Variants in VRK1 observed in about 807,000 individuals in gnomAD.
VRK1 encodes VRK serine/threonine kinase 1.
VRK1 carries 33 observed loss-of-function variants against 57.1 expected under a neutral mutation model. The ratio of observed to expected loss-of-function variants is 0.58; its 90% CI spans 0.44 to 0.77. The LOEUF (loss-of-function observed/expected upper bound fraction) is 0.77. VRK1 is among the 30% of genes least tolerant of loss of function. VRK1 has a pLI of 0.00. For missense variants in VRK1, 413 were observed against 477.3 expected (o/e 0.87, Z 1.25); for synonymous variants, 137 against 147.8 (o/e 0.93, Z 0.53).
At chr14:96,856,718 C>G (rs899614739) in intron 10 of VRK1, 132 bp downstream of exon 10, 1 of 780,198 alleles carries the variant, frequency 1.3e-6, no homozygotes. Flanking sequence ...CCTGTAATCC[C>G]AGCACTTTGG....
chr14:96,810,544 T>C (rs1886148169), intron 1 of VRK1, among the ~76,000 whole-genome samples: 1 of 152,198 alleles, frequency 6.6e-6, no homozygotes, highest in African/African-American at 2.4e-5. Flanking sequence ...TCTATACAAG[T>C]AGTAACAGGT....
intron 2 of VRK1, 86 bp from the exon 3 acceptor site, chr14:96,837,676 C>G (rs1887274144): frequency 2.6e-6 from 2 of 769,428 alleles, no homozygotes; most frequent in Non-Finnish European, 3.8e-6. Context: ...TGTATTCTAT[C>G]AAGGGTTACA....
intron 7 of VRK1, among the ~76,000 whole-genome samples, chr14:96,854,825 C>T (rs1190953900): frequency 6.6e-6 from 1 of 152,100 alleles, no homozygotes; most frequent in African/African-American, 2.4e-5. Context: ...GTGTGCTTTT[C>T]TGTGTGGAAA....
chr14:96,856,042 T>A, intron 8 of VRK1, 88 bp from the exon 9 acceptor site: 2 of 1,468,782 alleles, frequency 1.4e-6, no homozygotes, highest in Non-Finnish European at 1.9e-6. Context: ...TGGAGTTGAC[T>A]TGTTTTATGT....
At chr14:96,816,916 T>G (rs1008878354) in intron 1 of VRK1, among the ~76,000 whole-genome samples, 7 of 152,234 alleles carry the variant, frequency 4.6e-5, no homozygotes, top group Non-Finnish European at 1.0e-4. Context: ...GAACCCTTCT[T>G]ATTAGATGAC....
At chr14:96,846,785 A>G (rs1005724549) in intron 4 of VRK1, among the ~76,000 whole-genome samples, 1 of 152,068 alleles carries the variant, frequency 6.6e-6, no homozygotes, top group Non-Finnish European at 1.5e-5. Flanking sequence ...AAACTAGTAC[A>G]GTATAACTAT....
chr14:96,838,481 AC>A (rs1566699599), intron 3 of VRK1, among the ~76,000 whole-genome samples: 1 of 152,214 alleles, frequency 6.6e-6, no homozygotes, highest in South Asian at 2.1e-4. Context: ...ATTACTTGAT[AC>A]ATGTGAAGAA....
intron 2 of VRK1, 99 bp downstream of exon 2, chr14:96,833,730 A>T: frequency 6.4e-7 from 1 of 1,553,394 alleles, no homozygotes; most frequent in African/African-American, 1.4e-5. Flanking sequence ...TGTTCCTAAT[A>T]ATCTGCAGTC....
chr14:96,838,770 C>A (rs7153135), intron 3 of VRK1, among the ~76,000 whole-genome samples: 2 of 152,200 alleles, frequency 1.3e-5, no homozygotes, highest in African/African-American at 2.4e-5. Context: ...TCAGGAATTA[C>A]AATTACTCTG....
rs1422557519 is a variant in VRK1, at chr14:96,879,282, T to C, written c.1160-1895T>C. ...AATCAGAATTGATTATTAGGGAAAA[T>C]ATTGAATTGATTTATGCAGCAAAGT... On this transcript the variant is annotated intron_variant, in intron 12 of 12. Transcript: ENST00000216639. Among the ~76,000 whole-genome samples the C allele has an allele frequency of 2.0e-5, 3 of 152,012 alleles. 1 individual carries two copies. The highest frequency in any genetic ancestry group is 4.4e-5 in the Non-Finnish European group (3 of 68,008).
At chr14:96,824,396 A>G (rs532146874) in intron 1 of VRK1, among the ~76,000 whole-genome samples, 1 of 152,240 alleles carries the variant, frequency 6.6e-6, no homozygotes, top group Non-Finnish European at 1.5e-5. Context: ...TTCAAGAAAG[A>G]AAGAATGAGC....
chr14:96,824,155 T>C (rs1261539757), intron 1 of VRK1, among the ~76,000 whole-genome samples: 1 of 152,216 alleles, frequency 6.6e-6, no homozygotes, highest in Non-Finnish European at 1.5e-5. Flanking sequence ...CATAATAAAA[T>C]TTGTATTTTG....
At chr14:96,813,590 C>G (rs140677168) in intron 1 of VRK1, among the ~76,000 whole-genome samples, 1 of 151,908 alleles carries the variant, frequency 6.6e-6, no homozygotes, top group Non-Finnish European at 1.5e-5. Flanking sequence ...TTCATTACTA[C>G]GTTTGTCCTT....
chr14:96,858,151 C>G (rs1316900947), intron 10 of VRK1, among the ~76,000 whole-genome samples: 1 of 152,058 alleles, frequency 6.6e-6, no homozygotes, highest in Non-Finnish European at 1.5e-5. Flanking sequence ...CTCACTGCAG[C>G]CTTGACCTCC....
At chr14:96,812,265 G>T (rs573822692) in intron 1 of VRK1, among the ~76,000 whole-genome samples, 111 of 152,260 alleles carry the variant, frequency 7.3e-4, no homozygotes, top group South Asian at 3.7e-3. Flanking sequence ...GTTGTTGTGT[G>T]GGTATGTGTT....
chr14:96,880,835 G>A (rs1889232120), intron 12 of VRK1, among the ~76,000 whole-genome samples: 6 of 152,096 alleles, frequency 3.9e-5, no homozygotes, highest in Non-Finnish European at 2.9e-5. Context: ...TTTATATTTG[G>A]AGATAATGTT....
rs536095062 is a variant in VRK1, at chr14:96,873,086, C to G, written c.1069-2944C>G. Reference sequence around the variant, plus strand: ...GATGGACAAAACCCAAATAACACTGCCCGAGTACGCATCTCTTAGAGACAG... The same window carrying G: ...GATGGACAAAACCCAAATAACACTGGCCGAGTACGCATCTCTTAGAGACAG... On this transcript the variant is annotated intron_variant, in intron 11 of 12. Transcript: ENST00000216639. Among the ~76,000 whole-genome samples, 293 of 152,238 alleles carry G rather than the reference C, an allele frequency of 1.9e-3. 1 individual carries two copies. The highest frequency in any genetic ancestry group is 6.5e-3 in the African/African-American group (270 of 41,550).
chr14:96,860,255 A>AT (rs989204164), intron 10 of VRK1, among the ~76,000 whole-genome samples: 1 of 152,098 alleles, frequency 6.6e-6, no homozygotes, highest in East Asian at 1.9e-4. Flanking sequence ...ATCCCTTTGT[A>AT]TTTTTTTATA....
chr14:96,855,350 G>A lies in VRK1; in HGVS notation c.703G>A (p.Gly235Ser). ...ATTCACGAGCATCGATGCACACAAT[G>A]GCGTGGGTATGTCAGTAGTACTGGA... ...IEFTSIDAHN[G>S]VAPSRRGDLE... Residue 235 changes from glycine to serine, a missense_variant, in exon 8 of 13, where the codon GGC becomes AGC. By Grantham distance (56) the Gly-to-Ser change is moderately conservative. This residue lies in a region of VRK1 where 151 missense variants were observed against 225.5 expected (regional missense o/e 0.67). Transcript: ENST00000216639. 1 of 1,613,968 alleles carries A rather than the reference G, an allele frequency of 6.2e-7. No individual in the cohort carries two copies. The highest frequency in any genetic ancestry group is 8.5e-7 in the Non-Finnish European group (1 of 1,179,896).
Sources: gnomAD v4.1 joint callset for allele counts (sites outside exome capture counted in the v4.1 genomes callset) on GRCh38, gnomAD v4.1.1 for gene constraint, gnomAD v4.1.1 regional missense constraint, MANE v1.5 for transcripts, NCBI Gene and HGNC (gene_info 2026-07-23, HGNC 2026-07-21) for gene names.